CHD9: variants seen among roughly 807,000 people sequenced by gnomAD.
CHD9 encodes the protein ATP-dependent chromatin remodeler CHD9.
In CHD9, 77 loss-of-function variants were observed where a neutral mutation model predicts 316.1. The ratio of observed to expected loss-of-function variants is 0.24; its 90% CI spans 0.20 to 0.29. The LOEUF (loss-of-function observed/expected upper bound fraction) is 0.29, where lower values mean the gene tolerates loss of function less well. Among genes scored for constraint, CHD9 ranks in the 10% least tolerant of loss-of-function variants. The probability of loss-of-function intolerance (pLI) is 1.00; values close to 1 mark genes in which losing one functional copy is unlikely to be tolerated. For missense variants in CHD9, 2,763 were observed against 3,438.1 expected (o/e 0.80, Z 4.91); for synonymous variants, 1,129 against 1,158.3 (o/e 0.97, Z 0.51).
chr16:53,092,298 T>G (rs1286968833), intron 1 of CHD9, among the ~76,000 whole-genome samples: 1 of 152,224 alleles, frequency 6.6e-6, no homozygotes, highest in Non-Finnish European at 1.5e-5. Context: ...TTCCACCCAT[T>G]TCTAGTTTTT....
chr16:53,222,446 G>T (rs1416884782), intron 3 of CHD9, among the ~76,000 whole-genome samples, 198 bp from the exon 4 acceptor site: 1 of 152,146 alleles, frequency 6.6e-6, no homozygotes, highest in African/African-American at 2.4e-5. Flanking sequence ...TCCAAACATA[G>T]AATTGGATGG....
intron 1 of CHD9, among the ~76,000 whole-genome samples, chr16:53,111,256 T>G (rs1257672710): frequency 6.6e-6 from 1 of 152,128 alleles, no homozygotes; most frequent in Non-Finnish European, 1.5e-5. Flanking sequence ...CAAGACATCT[T>G]CAGAGATGCC....
chr16:53,058,414 T>C (rs1032143642), intron 1 of CHD9, among the ~76,000 whole-genome samples: 1 of 152,200 alleles, frequency 6.6e-6, no homozygotes, highest in Admixed American at 6.5e-5. Context: ...CCACAGCACC[T>C]GGCCTATAAG....
intron 34 of CHD9, among the ~76,000 whole-genome samples, chr16:53,310,393 A>G (rs2056361127): frequency 6.6e-6 from 1 of 151,910 alleles, no homozygotes; most frequent in African/African-American, 2.4e-5. Context: ...GCCCAACCTC[A>G]GTGGGGCTTA....
intron 1 of CHD9, among the ~76,000 whole-genome samples, chr16:53,095,831 G>A (rs2036330305): frequency 6.6e-6 from 1 of 152,132 alleles, no homozygotes; most frequent in African/African-American, 2.4e-5. Context: ...GAAACAATGT[G>A]AATTTATCAA....
intron 19 of CHD9, among the ~76,000 whole-genome samples, chr16:53,261,095 C>CAAAA (rs753392412): frequency 8.1e-6 from 1 of 123,262 alleles, no homozygotes; most frequent in African/African-American, 2.9e-5. Flanking sequence ...TTAGAGAAAG[C>CAAAA]AAAAAAAAAA....
chr16:53,143,200 G>A (rs886534914), intron 1 of CHD9, among the ~76,000 whole-genome samples: 1 of 152,086 alleles, frequency 6.6e-6, no homozygotes, highest in Non-Finnish European at 1.5e-5. Flanking sequence ...TATAGCAAGT[G>A]TATAGATAAT....
intron 1 of CHD9, among the ~76,000 whole-genome samples, chr16:53,151,274 T>TGGA (rs1309924463): frequency 1.4e-5 from 2 of 140,858 alleles, no homozygotes; most frequent in African/African-American, 2.6e-5. Context: ...CCTTTTCTGA[T>TGGA]GGAGTATTGC....
Position 53,157,186 on chromosome 16 carries a change from A to G in CHD9, c.1097A>G (p.Asp366Gly), listed in dbSNP as rs2041577978. 2 of 1,607,494 alleles carry G rather than the reference A, an allele frequency of 1.2e-6. No homozygotes were observed. The highest frequency in any genetic ancestry group is 2.7e-5 in the African/African-American group (2 of 74,864). Residue 366 changes from aspartate (D) to glycine (G), a missense_variant, in exon 2 of 39, where the codon GAC becomes GGC. Around this residue, in one of 15 missense-constraint regions of CHD9, gnomAD observed 859 missense variants for 890.4 expected, o/e 0.96. Coordinates refer to ENST00000447540, the MANE Select transcript of CHD9 (RefSeq NM_001308319.2). ...PVHMNFPDPVDSGTQMGHFND... is the reference protein window; with the variant it reads ...PVHMNFPDPVGSGTQMGHFND... ...CACATGAACTTCCCAGATCCTGTTG[A>G]CTCAGGAACTCAAATGGGCCATTTC...
At chr16:53,268,695 G>A (rs1363299926) in intron 22 of CHD9, among the ~76,000 whole-genome samples, 1 of 152,130 alleles carries the variant, frequency 6.6e-6, no homozygotes, top group East Asian at 1.9e-4. Context: ...TTAGGCCTCA[G>A]ATTTACTGAA....
intron 16 of CHD9, among the ~76,000 whole-genome samples, chr16:53,248,621 G>A (rs1222628632): frequency 6.8e-6 from 1 of 147,196 alleles, no homozygotes; most frequent in African/African-American, 2.5e-5. Context: ...GAACTCCTGA[G>A]CTCAAGCAAT....
At chr16:53,066,317 A>G (rs2033504172) in intron 1 of CHD9, among the ~76,000 whole-genome samples, 1 of 152,244 alleles carries the variant, frequency 6.6e-6, no homozygotes, top group Non-Finnish European at 1.5e-5. Context: ...TTTAGGCACT[A>G]AACCCAAGTC....
intron 2 of CHD9, among the ~76,000 whole-genome samples, chr16:53,169,630 T>C (rs1396606077): frequency 1.3e-5 from 2 of 152,196 alleles, no homozygotes; most frequent in African/African-American, 4.8e-5. Flanking sequence ...ATTTCTAATT[T>C]TTCTTTGGCT....
chr16:53,225,887 C>T (rs1233731385), intron 4 of CHD9, among the ~76,000 whole-genome samples: 1 of 152,054 alleles, frequency 6.6e-6, no homozygotes, highest in African/African-American at 2.4e-5. Context: ...TCATCTGATA[C>T]ACTTTTTAGG....
intron 22 of CHD9, among the ~76,000 whole-genome samples, chr16:53,268,455 T>C (rs1270300026): frequency 6.6e-6 from 1 of 152,218 alleles, no homozygotes; most frequent in African/African-American, 2.4e-5. Flanking sequence ...ATTTAGTATC[T>C]CCTTTGATGA....
chr16:53,120,704 T>C (rs562152904), intron 1 of CHD9, among the ~76,000 whole-genome samples: 1 of 152,278 alleles, frequency 6.6e-6, no homozygotes, highest in Admixed American at 6.5e-5. Flanking sequence ...AAGTCATACA[T>C]GCTTTCTAAA....
chr16:53,234,708 C>T (rs553640956), intron 10 of CHD9, among the ~76,000 whole-genome samples: 47 of 151,968 alleles, frequency 3.1e-4, no homozygotes, highest in Admixed American at 2.0e-4. Context: ...TCCAAAAGTG[C>T]TGGGATTTTA....
At chr16:53,300,288 G>A (rs967166251) in intron 30 of CHD9, among the ~76,000 whole-genome samples, 1 of 151,990 alleles carries the variant, frequency 6.6e-6, no homozygotes, top group Admixed American at 6.6e-5. Context: ...GGGAGGCGGA[G>A]ATTGCAGTGA....
intron 1 of CHD9, among the ~76,000 whole-genome samples, chr16:53,154,347 G>T (rs967552524): frequency 9.9e-5 from 15 of 152,068 alleles, no homozygotes; most frequent in African/African-American, 2.9e-4. Flanking sequence ...GCTTTTGTAT[G>T]GAAAACAATT....
Sources: allele counts gnomAD v4.1 joint callset (sites outside exome capture counted in the v4.1 genomes callset), GRCh38; gene constraint gnomAD v4.1.1; regional missense constraint gnomAD v4.1.1; transcripts MANE v1.5; gene names NCBI Gene and HGNC (gene_info 2026-07-23, HGNC 2026-07-21).